Variants in MAMDC2 observed in about 807,000 individuals in gnomAD.
MAMDC2 encodes MAM domain containing 2.
Under a neutral mutation model 89.8 loss-of-function variants are expected in MAMDC2, and 57 were observed. The observed-to-expected ratio is 0.63, with a 90% CI of 0.51 to 0.79. The LOEUF (loss-of-function observed/expected upper bound fraction) is 0.79. MAMDC2 is among the 30% of genes least tolerant of loss of function. The pLI is 0.00. For synonymous variants in MAMDC2, 313 were observed against 293.4 expected, an observed-to-expected ratio of 1.07 and a Z score of -0.68; for missense variants, 800 against 820.6, an observed-to-expected ratio of 0.97 and a Z score of 0.31.
intron 2 of MAMDC2, among the ~76,000 whole-genome samples, chr9:70,101,026 G>A (rs765430579): frequency 6.6e-6 from 1 of 152,152 alleles, no homozygotes; most frequent in Non-Finnish European, 1.5e-5. Flanking sequence ...CATATATGAT[G>A]GTAGTCCCAT....
intron 9 of MAMDC2, chr9:70,153,745 A>G (rs1301951347): frequency 6.6e-6 from 1 of 152,180 alleles, no homozygotes; most frequent in East Asian, 1.9e-4. Context: ...AAAACTTCAA[A>G]GTCATTTATG....
chr9:70,198,899 G>C (rs1318571059), intron 11 of MAMDC2, among the ~76,000 whole-genome samples: 1 of 152,052 alleles, frequency 6.6e-6, no homozygotes, highest in Non-Finnish European at 1.5e-5. Context: ...GTTAGTTCCA[G>C]TTTATTTCAA....
At chr9:70,044,480 C>G in intron 1 of MAMDC2, 104 bp from the exon 2 acceptor site, 1 of 992,062 alleles carries the variant, frequency 1.0e-6, no homozygotes, top group Non-Finnish European at 1.5e-6. Flanking sequence ...CCCCCTCCCG[C>G]TCGTCTTTCC....
intron 12 of MAMDC2, among the ~76,000 whole-genome samples, chr9:70,223,892 G>C (rs561498096): frequency 6.6e-6 from 1 of 152,142 alleles, no homozygotes; most frequent in Non-Finnish European, 1.5e-5. Context: ...TAATACAAGG[G>C]GGAAATCATA....
rs767271618 is a variant in MAMDC2, at chr9:70,226,343, A to G, written c.*311A>G. 1.2e-5 allele frequency: 2 copies of G among 171,578 alleles called. No homozygotes were observed. The highest frequency in any genetic ancestry group is 2.5e-3 in the Middle Eastern group (1 of 400). The allele number at this position is 171,578 out of a possible 1,614,324, so 10.6% of individuals were successfully genotyped here. A position where few individuals can be genotyped will look rare whatever the true frequency, so the allele number is the denominator to read the frequency against. On this transcript the variant is annotated 3_prime_UTR_variant, in exon 14 of 14. Coordinates refer to ENST00000377182, the MANE Select transcript of MAMDC2 (RefSeq NM_153267.5). ...TTAAAGTACACAAAGGGCACAATCA[A>G]AATGAGATGCACTCATTTAAATCTG...
At chr9:70,177,544 T>C (rs1198720472) in intron 11 of MAMDC2, among the ~76,000 whole-genome samples, 1 of 152,170 alleles carries the variant, frequency 6.6e-6, no homozygotes, top group Non-Finnish European at 1.5e-5. Flanking sequence ...ACTACTATAT[T>C]GGACATTTAC....
intron 11 of MAMDC2, among the ~76,000 whole-genome samples, chr9:70,179,235 G>A (rs1409588645): frequency 2.0e-5 from 3 of 152,156 alleles, no homozygotes; most frequent in East Asian, 3.9e-4. Context: ...AGGTGGGGCC[G>A]GGCATGGTGG....
At chr9:70,069,359 A>G (rs923668770) in intron 2 of MAMDC2, among the ~76,000 whole-genome samples, 3 of 152,354 alleles carry the variant, frequency 2.0e-5, no homozygotes, top group South Asian at 2.1e-4. Flanking sequence ...TTCTCAAATT[A>G]TAGCACAACT....
rs2033647789 is a variant in MAMDC2 at position 70,226,934 on chromosome 9, AATT to A, written c.*905_*907del. On this transcript the variant is annotated 3_prime_UTR_variant, in exon 14 of 14. Transcript: ENST00000377182. ...TTGTGTATCCTAACAGCTGCTATGAAATTATAAAATTACCTAATAAAAATAATT... is the reference window on the plus strand; with the variant it reads ...TTGTGTATCCTAACAGCTGCTATGAAATAAAATTACCTAATAAAAATAATT... 2.0e-5 allele frequency: 3 copies of A among 152,160 alleles called. No individual in the cohort carries two copies. Among genetic ancestry groups the A allele is most frequent in the Admixed American group, 2.0e-4 (3 of 15,290 alleles). 9.4% of individuals were successfully genotyped at this position (152,160 alleles called of 1,614,324 possible).
intron 2 of MAMDC2, among the ~76,000 whole-genome samples, chr9:70,101,275 A>G (rs1395517404): frequency 6.6e-6 from 1 of 152,260 alleles, no homozygotes; most frequent in East Asian, 1.9e-4. Flanking sequence ...CAGTTGTTAC[A>G]TAAGAGTCAA....
chr9:70,165,865 C>T (rs529776109), intron 9 of MAMDC2, among the ~76,000 whole-genome samples: 1 of 152,278 alleles, frequency 6.6e-6, no homozygotes, highest in East Asian at 1.9e-4. Context: ...TCATAATAGA[C>T]AAGATCATCT....
intron 2 of MAMDC2, among the ~76,000 whole-genome samples, chr9:70,067,877 C>A (rs1193224876): frequency 6.6e-6 from 1 of 152,220 alleles, no homozygotes; most frequent in Admixed American, 6.5e-5. Context: ...ATCAGAGAAG[C>A]AGACCTCAGT....
At chr9:70,225,210 G>A (rs1048860023) in intron 12 of MAMDC2, among the ~76,000 whole-genome samples, 5 of 152,150 alleles carry the variant, frequency 3.3e-5, no homozygotes, top group Non-Finnish European at 7.3e-5. Context: ...TGCCTGAGCT[G>A]TGTCTTTGAT....
chr9:70,179,109 C>T (rs535706972), intron 11 of MAMDC2, among the ~76,000 whole-genome samples: 2 of 152,150 alleles, frequency 1.3e-5, no homozygotes, highest in African/African-American at 2.4e-5. Context: ...TTGGTTAAGA[C>T]GTTATTGTAA....
At chr9:70,197,823 C>G (rs1252046483) in intron 11 of MAMDC2, among the ~76,000 whole-genome samples, 1 of 152,132 alleles carries the variant, frequency 6.6e-6, no homozygotes, top group Non-Finnish European at 1.5e-5. Context: ...ATAGCTCATT[C>G]ATCCAGGATC....
chr9:70,054,789 A>T (rs1206585171), intron 2 of MAMDC2, among the ~76,000 whole-genome samples: 1 of 152,134 alleles, frequency 6.6e-6, no homozygotes, highest in Non-Finnish European at 1.5e-5. Context: ...CCCTCCACTG[A>T]GTGGCTTGTG....
chr9:70,195,076 T>G (rs1286158028), intron 11 of MAMDC2, among the ~76,000 whole-genome samples: 1 of 152,092 alleles, frequency 6.6e-6, no homozygotes, highest in East Asian at 1.9e-4. Context: ...AGTTTCCTAT[T>G]TGAATAAACG....
chr9:70,108,369 T>C lies in MAMDC2; in HGVS notation c.307T>C (p.Tyr103His), dbSNP rs1364165243. The change falls in exon 3 of 14, where the codon TAC (tyrosine) becomes CAC (histidine). Residue 103 changes from tyrosine (Y) to histidine (H), a missense_variant. By Grantham distance (83) the Tyr-to-His change is moderately conservative. Transcript: ENST00000377182. Reference protein sequence around the residue: ...SLSDPSQLNLYMRFEDESFDR... With the variant: ...SLSDPSQLNLHMRFEDESFDR... The stretch of plus-strand genomic sequence containing the variant: ...GTCAGATCCCAGCCAGCTGAACCTC[T>C]ACATGAGATTTGAAGATGAAAGCTT... The C allele has an allele frequency of 1.2e-6, 2 of 1,613,986 alleles. No individual in the cohort carries two copies. The highest frequency in any genetic ancestry group is 1.7e-6 in the Non-Finnish European group (2 of 1,179,970).
chr9:70,146,013 C>T (rs142488646), intron 9 of MAMDC2, among the ~76,000 whole-genome samples: 53 of 152,242 alleles, frequency 3.5e-4, no homozygotes, highest in African/African-American at 7.2e-4. Context: ...AGTGTTTAGA[C>T]GGTTAAAATT....
Sources: allele counts gnomAD v4.1 joint callset (sites outside exome capture counted in the v4.1 genomes callset), GRCh38; gene constraint gnomAD v4.1.1; transcripts MANE v1.5; gene names NCBI Gene and HGNC (gene_info 2026-07-23, HGNC 2026-07-21).